AKAP19: variants seen among roughly 807,000 people sequenced by gnomAD.
AKAP19 encodes small A-kinase anchoring protein.
chr2:190,132,455 TAGAG>T, the AKAP19 span, among the ~76,000 whole-genome samples: 1 of 151,996 alleles, frequency 6.6e-6, no homozygotes, highest in Non-Finnish European at 1.5e-5. Flanking sequence ...ACACACAGAA[TAGAG>T]AGCCCAGAAA....
At chr2:190,027,084 T>C in the AKAP19 span, among the ~76,000 whole-genome samples, 1 of 152,220 alleles carries the variant, frequency 6.6e-6, no homozygotes, top group Non-Finnish European at 1.5e-5. Context: ...TTATTGCAAG[T>C]ACTAAAATAC....
chr2:189,950,664 C>T, the AKAP19 span, among the ~76,000 whole-genome samples: 2 of 152,112 alleles, frequency 1.3e-5, no homozygotes, highest in Non-Finnish European at 2.9e-5. Context: ...ACTACATAAA[C>T]AAATATTCCA....
chr2:189,882,882 C>T, the AKAP19 span, among the ~76,000 whole-genome samples: 1 of 151,950 alleles, frequency 6.6e-6, no homozygotes, highest in Non-Finnish European at 1.5e-5. Flanking sequence ...TTATAGTTCA[C>T]AGCTTGACTT....
chr2:189,927,742 A>G, the AKAP19 span, among the ~76,000 whole-genome samples: 3 of 152,198 alleles, frequency 2.0e-5, no homozygotes, highest in Non-Finnish European at 4.4e-5. Flanking sequence ...TAACATTGAT[A>G]TAGTACTATT....
At chr2:190,039,982 A>G in the AKAP19 span, among the ~76,000 whole-genome samples, 2 of 152,190 alleles carry the variant, frequency 1.3e-5, no homozygotes, top group Non-Finnish European at 2.9e-5. Context: ...TGCAATGAAC[A>G]TTTGCATGCA....
At chr2:189,927,780 GT>G in the AKAP19 span, among the ~76,000 whole-genome samples, 2 of 152,130 alleles carry the variant, frequency 1.3e-5, no homozygotes, top group Non-Finnish European at 1.5e-5. Context: ...GTGCTGTTCA[GT>G]CTGGTGGCCA....
chr2:189,991,362 T>C, the AKAP19 span, among the ~76,000 whole-genome samples: 22 of 152,212 alleles, frequency 1.4e-4, no homozygotes, highest in African/African-American at 5.3e-4. Context: ...ACATCTATTA[T>C]TTTTTGATTT....
the AKAP19 span, among the ~76,000 whole-genome samples, chr2:189,906,402 G>A: frequency 1.3e-5 from 2 of 151,904 alleles, no homozygotes; most frequent in African/African-American, 2.4e-5. Flanking sequence ...AGATATTTTC[G>A]TCTAGTCTTT....
At chr2:189,893,889 G>A in the AKAP19 span, among the ~76,000 whole-genome samples, 4 of 152,142 alleles carry the variant, frequency 2.6e-5, no homozygotes, top group East Asian at 1.9e-4. Flanking sequence ...CATCCACTAT[G>A]TGGATTGGTC....
chr2:190,097,859 C>CAAAAAAAAAA, the AKAP19 span, among the ~76,000 whole-genome samples: 69 of 63,920 alleles, frequency 1.1e-3, no homozygotes, highest in African/African-American at 2.0e-3. Flanking sequence ...TGGTTTCTAC[C>CAAAAAAAAAA]AAAAAAAAAA....
At chr2:190,199,781 T>C in the AKAP19 span, 1 of 1,558,624 alleles carries the variant, frequency 6.4e-7, no homozygotes, top group East Asian at 2.2e-5. Context: ...CAACATCACA[T>C]GGACAAATTT....
At chr2:189,964,886 AT>A in the AKAP19 span, among the ~76,000 whole-genome samples, 1 of 152,118 alleles carries the variant, frequency 6.6e-6, no homozygotes, top group Non-Finnish European at 1.5e-5. Context: ...ATCACTTATT[AT>A]TTTTTATGTT....
At chr2:190,198,623 C>A in the AKAP19 span, among the ~76,000 whole-genome samples, 1 of 107,346 alleles carries the variant, frequency 9.3e-6, no homozygotes, top group Non-Finnish European at 1.8e-5. Context: ...CAGAGTAAGA[C>A]CCTGTCTCAA....
the AKAP19 span, among the ~76,000 whole-genome samples, chr2:189,911,099 A>G: frequency 6.6e-6 from 1 of 152,116 alleles, no homozygotes; most frequent in Admixed American, 6.5e-5. Flanking sequence ...GAGGAAAGAA[A>G]GGTGGAAGGA....
chr2:190,143,284 GAA>G, the AKAP19 span, among the ~76,000 whole-genome samples: 2 of 118,898 alleles, frequency 1.7e-5, no homozygotes, highest in Admixed American at 9.1e-5. Flanking sequence ...TATCCTGTAG[GAA>G]AAAAAAAAAA....
the AKAP19 span, among the ~76,000 whole-genome samples, chr2:190,086,190 G>T: frequency 6.6e-6 from 1 of 152,108 alleles, no homozygotes; most frequent in African/African-American, 2.4e-5. Flanking sequence ...ATCAGTAATG[G>T]CCTCACTATC....
the AKAP19 span, among the ~76,000 whole-genome samples, chr2:190,023,795 G>GTGTATATA: frequency 1.6e-3 from 223 of 142,818 alleles, 2 homozygotes; most frequent in Middle Eastern, 3.7e-3. Flanking sequence ...ATGTGTGTGT[G>GTGTATATA]TATATATATA....
At chr2:189,940,765 C>G in the AKAP19 span, among the ~76,000 whole-genome samples, 1 of 152,010 alleles carries the variant, frequency 6.6e-6, no homozygotes, top group East Asian at 1.9e-4. Context: ...GTGGCGGACA[C>G]CTATAGGCCC....
At chr2:190,181,689 G>A in the AKAP19 span, among the ~76,000 whole-genome samples, 1 of 152,150 alleles carries the variant, frequency 6.6e-6, no homozygotes, top group East Asian at 1.9e-4. Context: ...AGGGAATTAG[G>A]TTAACATAAA....
Sources: allele counts gnomAD v4.1 joint callset (sites outside exome capture counted in the v4.1 genomes callset), GRCh38; gene constraint gnomAD v4.1.1; transcripts MANE v1.5; gene names NCBI Gene and HGNC (gene_info 2026-07-23, HGNC 2026-07-21).